BICRA: variants seen among roughly 807,000 people sequenced by gnomAD.
The protein encoded by BICRA is BRD4 interacting chromatin remodeling complex associated protein.
In BICRA, 31 loss-of-function variants were observed where a neutral mutation model predicts 96.9. That is an observed-to-expected ratio of 0.32 (90% CI 0.24 to 0.43). The LOEUF (loss-of-function observed/expected upper bound fraction) is 0.43, where lower values mean the gene tolerates loss of function less well. Ranked by LOEUF, BICRA falls within the 20% of genes least tolerant of loss-of-function variation. The pLI, the probability that BICRA is intolerant of heterozygous loss-of-function variation, is 1.00. For missense variants in BICRA, 2,283 were observed against 2,190.3 expected (o/e 1.04, Z -0.84); for synonymous variants, 1,350 against 1,071.8 (o/e 1.26, Z -5.07).
intron 1 of BICRA, among the ~76,000 whole-genome samples, chr19:47,628,834 C>T (rs1299334853): frequency 6.6e-6 from 1 of 152,090 alleles, no homozygotes; most frequent in Admixed American, 6.6e-5. Context: ...TCTCAAACTC[C>T]TGGGCTCAAG....
At position 47,681,119 on chromosome 19, in the gene BICRA, CCCCCA is replaced by C; in HGVS notation, c.1956_1960del (p.Pro653GlyfsTer19). 6.8e-7 allele frequency: 1 copy of C among 1,472,336 alleles called. No homozygotes were observed. Among genetic ancestry groups the C allele is most frequent in the Non-Finnish European group, 9.1e-7 (1 of 1,099,218 alleles). The allele number at this position is 1,472,336 out of a possible 1,614,324, so 91.2% of individuals were successfully genotyped here. On this transcript the variant is annotated frameshift_variant, in exon 6 of 15. Transcript: ENST00000594866. LOFTEE classifies it high-confidence loss of function. ...CCGCAGGCGCAGCAGCCCCCGCAGG[CCCCCA>C]CCCCACAGGCCGCCGCCCCGCCTCA...
chr19:47,654,166 T>A (rs1007626038), intron 1 of BICRA, among the ~76,000 whole-genome samples: 6 of 152,212 alleles, frequency 3.9e-5, no homozygotes, highest in African/African-American at 1.4e-4. Flanking sequence ...TGAGTGAGCA[T>A]TCGTGTTCCG....
At chr19:47,612,652 G>A (rs903779250) in intron 1 of BICRA, among the ~76,000 whole-genome samples, 2 of 149,304 alleles carry the variant, frequency 1.3e-5, no homozygotes, top group Admixed American at 6.7e-5. Context: ...GGGGGCTGAC[G>A]GAGAGGGGCT....
chr19:47,664,591 G>T (rs148271781), intron 1 of BICRA, among the ~76,000 whole-genome samples: 1 of 152,162 alleles, frequency 6.6e-6, no homozygotes, highest in Non-Finnish European at 1.5e-5. Context: ...GGGAGGGATC[G>T]GTGGGTATGG....
At chr19:47,609,446 C>T (rs1207681709) in intron 1 of BICRA, among the ~76,000 whole-genome samples, 1 of 136,504 alleles carries the variant, frequency 7.3e-6, no homozygotes, top group Non-Finnish European at 1.6e-5. Flanking sequence ...CGCGTCTCTT[C>T]CACCACCGCC....
At chr19:47,632,328 CA>C (rs1972232936) in intron 1 of BICRA, among the ~76,000 whole-genome samples, 1 of 152,240 alleles carries the variant, frequency 6.6e-6, no homozygotes. Context: ...TGTTCCATGC[CA>C]GGCCTGTGCC....
chr19:47,672,611 G>A (rs540637108), intron 2 of BICRA, among the ~76,000 whole-genome samples: 3 of 152,086 alleles, frequency 2.0e-5, no homozygotes, highest in Admixed American at 1.3e-4. Context: ...AGGCAGGGAA[G>A]GGAGGGATGT....
At chr19:47,610,657 G>A (rs1048880107) in intron 1 of BICRA, among the ~76,000 whole-genome samples, 12 of 149,174 alleles carry the variant, frequency 8.0e-5, no homozygotes, top group African/African-American at 2.5e-4. Flanking sequence ...GTATAATACA[G>A]ATCTAGGGGT....
chr19:47,694,080 C>A, intron 7 of BICRA, 35 bp from the exon 8 acceptor site: 5 of 1,421,080 alleles, frequency 3.5e-6, no homozygotes, highest in Admixed American at 2.8e-5. Flanking sequence ...GGTTCTGACC[C>A]CCGCCCCTCC....
chr19:47,676,095 G>A (rs983474887), intron 5 of BICRA, among the ~76,000 whole-genome samples, 179 bp downstream of exon 5: 24 of 152,102 alleles, frequency 1.6e-4, no homozygotes, highest in Admixed American at 6.5e-5. Context: ...GAGCAGAGCT[G>A]GGGAACCCTG....
At chr19:47,674,395 G>A (rs112769469) in intron 4 of BICRA, among the ~76,000 whole-genome samples, 1,794 of 152,262 alleles carry the variant, frequency 0.012, 38 homozygotes, top group African/African-American at 0.041. Flanking sequence ...CCTTAAACAC[G>A]AGAATGCCAT....
At chr19:47,618,738 G>A (rs148305297) in intron 1 of BICRA, among the ~76,000 whole-genome samples, 52 of 152,264 alleles carry the variant, frequency 3.4e-4, no homozygotes, top group African/African-American at 1.2e-3. Flanking sequence ...CGGAGTGAGC[G>A]GGAATATCTG....
intron 1 of BICRA, among the ~76,000 whole-genome samples, chr19:47,622,616 C>T (rs955278437): frequency 2.7e-5 from 4 of 149,066 alleles, no homozygotes; most frequent in African/African-American, 7.4e-5. Flanking sequence ...CCCAGCTACT[C>T]GGGAGACTGA....
chr19:47,691,806 C>G (rs1973244784), intron 7 of BICRA, among the ~76,000 whole-genome samples: 1 of 152,190 alleles, frequency 6.6e-6, no homozygotes, highest in Non-Finnish European at 1.5e-5. Context: ...AGTGATCCAC[C>G]TGCCTTGGCC....
chr19:47,663,977 G>A (rs1475662879), intron 1 of BICRA: 2 of 152,202 alleles, frequency 1.3e-5, no homozygotes, highest in African/African-American at 4.8e-5. Flanking sequence ...CCCATAGTTT[G>A]AGAAAGACTG....
At chr19:47,658,266 A>G (rs1333879335) in intron 1 of BICRA, among the ~76,000 whole-genome samples, 2 of 151,990 alleles carry the variant, frequency 1.3e-5, no homozygotes, top group Admixed American at 6.6e-5. Flanking sequence ...GGCAACTTCT[A>G]AATTAGCCTT....
At chr19:47,665,532 C>T (rs186876893) in intron 1 of BICRA, among the ~76,000 whole-genome samples, 21 of 152,256 alleles carry the variant, frequency 1.4e-4, no homozygotes, top group Admixed American at 3.9e-4. Flanking sequence ...TGCAGTGGCA[C>T]GATCACAGCT....
Position 47,685,786 on chromosome 19 carries a change from T to TGTGTGTGTGTGTGC in BICRA, c.2283+3635_2283+3636insTGTGTGTGTGTGCG. On this transcript the variant is annotated intron_variant, in intron 7 of 14. Transcript: ENST00000594866. ...GTGTGTGTGTGTGTGTGTGTGTGTG[T>TGTGTGTGTGTGTGC]GCGCGCGCGCGCGCATGCGTACATT... Among the ~76,000 whole-genome samples, 164 of 117,958 alleles carry TGTGTGTGTGTGTGC rather than the reference T, an allele frequency of 1.4e-3. 1 individual carries two copies. Among genetic ancestry groups the TGTGTGTGTGTGTGC allele is most frequent in the East Asian group, 4.5e-3 (13 of 2,860 alleles). The allele number at this position is 117,958 out of a possible 152,430, so 77.4% of individuals were successfully genotyped here. A position where few individuals can be genotyped will look rare whatever the true frequency, so the allele number is the denominator to read the frequency against.
rs1374117939 is a variant in BICRA, at chr19:47,682,094, G to C, written c.2225G>C (p.Gly742Ala). ...GCCCCAGCCACCCCCGTCGCCAAAGGAGCTGGCCTCGGCCCTCAGGCCCCC... is the reference window on the plus strand; with the variant it reads ...GCCCCAGCCACCCCCGTCGCCAAAGCAGCTGGCCTCGGCCCTCAGGCCCCC... The part of the protein sequence containing the change: ...DPAPATPVAK[G>A]AGLGPQAPDS... The change falls in exon 7 of 15, where the codon GGA becomes GCA. Residue 742 changes from glycine (G) to alanine (A), a missense_variant. Transcript: ENST00000594866. 2 of 1,524,526 alleles carry C rather than the reference G, an allele frequency of 1.3e-6. No homozygotes were observed. Among genetic ancestry groups the C allele is most frequent in the Non-Finnish European group, 1.8e-6 (2 of 1,125,236 alleles). The allele number at this position is 1,524,526 out of a possible 1,614,324, so 94.4% of individuals were successfully genotyped here.
Sources: gnomAD v4.1 joint callset for allele counts (sites outside exome capture counted in the v4.1 genomes callset) on GRCh38, gnomAD v4.1.1 for gene constraint, MANE v1.5 for transcripts, NCBI Gene and HGNC (gene_info 2026-07-23, HGNC 2026-07-21) for gene names.